CDH1: variants seen among roughly 807,000 people sequenced by gnomAD.
CDH1 encodes the protein cadherin 1.
In CDH1, 35 loss-of-function variants were observed where a neutral mutation model predicts 84.5. The ratio of observed to expected loss-of-function variants is 0.41; its 90% CI spans 0.32 to 0.55. The LOEUF is 0.55. Ranked by LOEUF, CDH1 falls within the 20% of genes least tolerant of loss-of-function variation. CDH1 has a pLI of 0.19. For synonymous variants in CDH1, 417 were observed against 439.0 expected (o/e 0.95, Z 0.63); for missense variants, 994 against 1,126.6 (o/e 0.88, Z 1.68).
rs1003012321 is a variant in CDH1 at position 68,822,132 on chromosome 16, A to G, written c.1843A>G (p.Ile615Val). ...TCCAAAGCCTCAGGTCATAAACATC[A>G]TTGATGCAGACCTTCCTCCCAATAC... ...RNPKPQVINI[I>V]DADLPPNTSP... The change falls in exon 12 of 16, where the codon ATT becomes GTT. Residue 615 changes from isoleucine (I) to valine (V), a missense_variant. Around this residue, in one of 3 missense-constraint regions of CDH1, gnomAD observed 769 missense variants for 881.8 expected, o/e 0.87. Transcript: ENST00000261769. 2 of 1,614,078 alleles carry G rather than the reference A, an allele frequency of 1.2e-6. No individual in the cohort carries two copies. The highest frequency in any genetic ancestry group is 3.3e-5 in the Admixed American group (2 of 60,002).
At chr16:68,776,124 C>G (rs757498712) in intron 2 of CDH1, among the ~76,000 whole-genome samples, 1 of 152,122 alleles carries the variant, frequency 6.6e-6, no homozygotes, top group Admixed American at 6.5e-5. Context: ...CTAGCTGGGA[C>G]TGTAGGCACG....
At chr16:68,830,927 G>T (rs957595202) in intron 15 of CDH1, among the ~76,000 whole-genome samples, 4 of 152,064 alleles carry the variant, frequency 2.6e-5, no homozygotes, top group African/African-American at 7.3e-5. Flanking sequence ...ACCCAGTAAA[G>T]AAATGGTCCA....
At chr16:68,824,109 C>T (rs922412919) in intron 13 of CDH1, among the ~76,000 whole-genome samples, 3 of 150,018 alleles carry the variant, frequency 2.0e-5, no homozygotes, top group South Asian at 4.2e-4. Context: ...GCGATTCTCC[C>T]GCCTCAGCCT....
intron 2 of CDH1, among the ~76,000 whole-genome samples, chr16:68,779,878 G>C (rs1597869439): frequency 6.6e-6 from 1 of 152,008 alleles, no homozygotes; most frequent in African/African-American, 2.4e-5. Flanking sequence ...GAATGAAAGG[G>C]AGGCAACTGA....
chr16:68,796,684 C>T (rs1055398070), intron 2 of CDH1, among the ~76,000 whole-genome samples: 1 of 151,782 alleles, frequency 6.6e-6, no homozygotes, highest in Non-Finnish European at 1.5e-5. Context: ...AGTGGGGCAC[C>T]GTAGGTTTAA....
chr16:68,791,085 C>A (rs1416612062), intron 2 of CDH1, among the ~76,000 whole-genome samples: 1 of 152,146 alleles, frequency 6.6e-6, no homozygotes, highest in Non-Finnish European at 1.5e-5. Flanking sequence ...TGAATGTTGG[C>A]CCCCGGGTGG....
In CDH1 at chr16:68,834,246, A is replaced by C. The variant is rs1229882695; in HGVS notation, c.*747A>C. On this transcript the variant is annotated 3_prime_UTR_variant, in exon 16 of 16. Transcript: ENST00000261769. ...TGGGATTACAGACATGAGCCACTGC[A>C]CCTGCCCAGCTCCCCAACTCCCTGC... The C allele has an allele frequency of 2.0e-6, 1 of 509,042 alleles. No homozygotes were observed. Among genetic ancestry groups the C allele is most frequent in the South Asian group, 1.5e-5 (1 of 64,936 alleles). 31.5% of individuals were successfully genotyped at this position (509,042 alleles called of 1,614,324 possible). A position where few individuals can be genotyped will look rare whatever the true frequency, so the allele number is the denominator to read the frequency against.
chr16:68,804,493 C>T (rs1960599276), intron 3 of CDH1, among the ~76,000 whole-genome samples: 1 of 152,100 alleles, frequency 6.6e-6, no homozygotes, highest in Non-Finnish European at 1.5e-5. Flanking sequence ...AGCCTCATGA[C>T]CACATCTAGC....
chr16:68,741,040 G>C (rs1962550604), intron 2 of CDH1, among the ~76,000 whole-genome samples: 1 of 151,826 alleles, frequency 6.6e-6, no homozygotes, highest in South Asian at 2.1e-4. Flanking sequence ...ACCTCCGAGA[G>C]GGGGTGGTGA....
intron 11 of CDH1, among the ~76,000 whole-genome samples, chr16:68,819,631 T>C (rs1035844289): frequency 4.6e-5 from 7 of 152,172 alleles, no homozygotes; most frequent in Non-Finnish European, 1.5e-5. Context: ...TTTTAGGGTA[T>C]CCGTCACCCA....
Position 68,739,436 on chromosome 16 carries a change from A to C in CDH1, c.163+1025A>C, listed in dbSNP as rs551196653. 1.4e-4 allele frequency among the ~76,000 whole-genome samples: 21 copies of C among 151,740 alleles called. 1 individual carries two copies. Among genetic ancestry groups the C allele is most frequent in the African/African-American group, 5.1e-4 (21 of 41,366 alleles). ...CGTCTCAAAAAATAAATAAAAAATA[A>C]ATTTTTTTTTAGAGACAGGAGTCTC... On this transcript the variant is annotated intron_variant, in intron 2 of 15. Coordinates refer to ENST00000261769, the MANE Select transcript of CDH1 (RefSeq NM_004360.5).
At chr16:68,788,433 G>T (rs1281610074) in intron 2 of CDH1, among the ~76,000 whole-genome samples, 1 of 152,150 alleles carries the variant, frequency 6.6e-6, no homozygotes, top group Non-Finnish European at 1.5e-5. Context: ...GGGCCTATTG[G>T]TAGTCAAGCC....
chr16:68,798,615 T>C (rs1321635087), intron 2 of CDH1, among the ~76,000 whole-genome samples: 1 of 152,170 alleles, frequency 6.6e-6, no homozygotes, highest in East Asian at 1.9e-4. Flanking sequence ...AAAACCATTT[T>C]CATTTTTTCA....
At chr16:68,798,903 A>G (rs1409248373) in intron 2 of CDH1, among the ~76,000 whole-genome samples, 1 of 152,162 alleles carries the variant, frequency 6.6e-6, no homozygotes, top group African/African-American at 2.4e-5. Context: ...TGATTCTTTC[A>G]TCATCTTATG....
intron 2 of CDH1, among the ~76,000 whole-genome samples, chr16:68,753,598 A>G (rs1962942071): frequency 6.6e-6 from 1 of 151,938 alleles, no homozygotes; most frequent in African/African-American, 2.4e-5. Flanking sequence ...CGGCCTCCCA[A>G]AGTGCTGGGA....
At chr16:68,790,359 T>G (rs1198838645) in intron 2 of CDH1, among the ~76,000 whole-genome samples, 1 of 152,100 alleles carries the variant, frequency 6.6e-6, no homozygotes, top group Non-Finnish European at 1.5e-5. Context: ...GAAGAAAATG[T>G]GATGATTTTC....
intron 2 of CDH1, among the ~76,000 whole-genome samples, chr16:68,738,964 T>TTTTTTTTTTGA (rs555202424): frequency 1.5e-5 from 1 of 65,364 alleles, no homozygotes; most frequent in Non-Finnish European, 2.8e-5. Flanking sequence ...TTTTTTTTTT[T>TTTTTTTTTTGA]AAAGACAGGG....
intron 2 of CDH1, among the ~76,000 whole-genome samples, chr16:68,793,342 C>T (rs930252607): frequency 2.6e-5 from 4 of 152,140 alleles, no homozygotes. Flanking sequence ...GCTCAATTTT[C>T]ATCCAAGAAG....
chr16:68,785,430 G>A (rs1399930010), intron 2 of CDH1, among the ~76,000 whole-genome samples: 5 of 152,220 alleles, frequency 3.3e-5, no homozygotes, highest in African/African-American at 9.6e-5. Flanking sequence ...GACCTCAAGC[G>A]ATCCACCCAC....
Sources: gnomAD v4.1 joint callset for allele counts (sites outside exome capture counted in the v4.1 genomes callset) on GRCh38, gnomAD v4.1.1 for gene constraint, gnomAD v4.1.1 regional missense constraint, MANE v1.5 for transcripts, NCBI Gene and HGNC (gene_info 2026-07-23, HGNC 2026-07-21) for gene names.